Variants in EYA4 observed in about 807,000 individuals in gnomAD.
The protein encoded by EYA4 is EYA transcriptional coactivator and phosphatase 4, also known as protein phosphatase EYA4.
A neutral mutation model predicts 87.9 loss-of-function variants in EYA4; 31 were observed. The observed-to-expected ratio is 0.35, with a 90% CI of 0.27 to 0.48. The LOEUF is 0.48. Among genes scored for constraint, EYA4 ranks in the 20% least tolerant of loss-of-function variants. The pLI is 0.99. For synonymous variants in EYA4, 263 were observed against 270.6 expected, an observed-to-expected ratio of 0.97 and a Z score of 0.28; for missense variants, 678 against 761.4, an observed-to-expected ratio of 0.89 and a Z score of 1.29.
Position 133,299,955 on chromosome 6 carries a change from C to CTATATATATA in EYA4, c.33+25148_33+25157dup, listed in dbSNP as rs1016744513. Among the ~76,000 whole-genome samples the CTATATATATA allele has an allele frequency of 3.2e-3, 340 of 106,216 alleles. 3 individuals carry two copies. Among genetic ancestry groups the CTATATATATA allele is most frequent in the African/African-American group, 0.011 (321 of 29,564 alleles). The allele number at this position is 106,216 out of a possible 152,430, so 69.7% of individuals were successfully genotyped here. On this transcript the variant is annotated intron_variant, in intron 2 of 19. Transcript: ENST00000355286. ...TCTATCTATCTATCTATCTATCTAT[C>CTATATATATA]TATATATATATATATCTTTTGACTA...
chr6:133,477,609 C>G (rs1238845519), intron 11 of EYA4, among the ~76,000 whole-genome samples: 1 of 151,974 alleles, frequency 6.6e-6, no homozygotes, highest in Non-Finnish European at 1.5e-5. Context: ...TAGGTTTGAC[C>G]TTCTGGTAAC....
chr6:133,374,830 C>A (rs1218760212), intron 2 of EYA4, among the ~76,000 whole-genome samples: 1 of 151,954 alleles, frequency 6.6e-6, no homozygotes, highest in African/African-American at 2.4e-5. Flanking sequence ...GCTGCAAGAT[C>A]TTTGTTTCTA....
chr6:133,468,017 G>A (rs1794998786), intron 10 of EYA4, among the ~76,000 whole-genome samples: 1 of 151,584 alleles, frequency 6.6e-6, no homozygotes, highest in African/African-American at 2.4e-5. Flanking sequence ...GTGAGAGGCT[G>A]GGTAAAAAAA....
chr6:133,314,560 A>T (rs56256859), intron 2 of EYA4, among the ~76,000 whole-genome samples: 71,014 of 151,962 alleles, frequency 0.47, 16,973 homozygotes, highest in Middle Eastern at 0.55. Context: ...ATTTTATAGA[A>T]AGCATTAATT....
intron 3 of EYA4, among the ~76,000 whole-genome samples, chr6:133,385,402 T>A (rs1320452409): frequency 1.6e-5 from 2 of 122,416 alleles, no homozygotes; most frequent in East Asian, 2.6e-4. Flanking sequence ...TGTGTGTGTG[T>A]GTGTGTGTGT....
intron 2 of EYA4, among the ~76,000 whole-genome samples, chr6:133,280,989 T>G (rs937233943): frequency 6.6e-6 from 1 of 152,172 alleles, no homozygotes; most frequent in African/African-American, 2.4e-5. Context: ...TTTTGTGGCT[T>G]GCTTTTTATA....
intron 3 of EYA4, among the ~76,000 whole-genome samples, chr6:133,394,282 G>GTATTTTTTTTTTTTTTTTTTTTTTT (rs1562368948): frequency 9.3e-6 from 1 of 107,846 alleles, no homozygotes; most frequent in African/African-American, 4.8e-5. Flanking sequence ...ATATAAGCTT[G>GTATTTTTTTTTTTTTTTTTTTTTTT]TGTTTTTTTT....
At chr6:133,365,361 A>G (rs772904998) in intron 2 of EYA4, among the ~76,000 whole-genome samples, 17 of 152,282 alleles carry the variant, frequency 1.1e-4, no homozygotes, top group Middle Eastern at 6.8e-3. Context: ...TTCCTGCCGA[A>G]TGGATTGAAG....
chr6:133,290,480 CTA>C (rs1179707415), intron 2 of EYA4, among the ~76,000 whole-genome samples: 1 of 152,018 alleles, frequency 6.6e-6, no homozygotes, highest in Non-Finnish European at 1.5e-5. Context: ...ACAACCTAGA[CTA>C]TATTTATTTT....
chr6:133,299,969 A>ATC (rs1211732532), intron 2 of EYA4, among the ~76,000 whole-genome samples: 1 of 150,176 alleles, frequency 6.7e-6, no homozygotes, highest in African/African-American at 2.5e-5. Flanking sequence ...ATATATATAT[A>ATC]TCTTTTGACT....
chr6:133,317,275 C>CT (rs1270168839), intron 2 of EYA4, among the ~76,000 whole-genome samples: 1 of 152,124 alleles, frequency 6.6e-6, no homozygotes, highest in Non-Finnish European at 1.5e-5. Context: ...CTTCATGATG[C>CT]TTTGAAGAAT....
chr6:133,390,307 C>T (rs1032199087), intron 3 of EYA4, among the ~76,000 whole-genome samples: 5 of 152,112 alleles, frequency 3.3e-5, no homozygotes, highest in Admixed American at 6.5e-5. Context: ...GTATCCTCCA[C>T]CTCCTAGGTT....
chr6:133,371,257 A>G (rs1302873223), intron 2 of EYA4, among the ~76,000 whole-genome samples: 2 of 152,180 alleles, frequency 1.3e-5, no homozygotes, highest in African/African-American at 4.8e-5. Flanking sequence ...AGAGGTGGAT[A>G]GTTAGGGAAG....
intron 1 of EYA4, among the ~76,000 whole-genome samples, chr6:133,256,060 T>G (rs556433006): frequency 2.0e-5 from 3 of 152,022 alleles, no homozygotes; most frequent in African/African-American, 4.8e-5. Context: ...TGCAAAAATT[T>G]CAACTTAATT....
chr6:133,264,017 C>T (rs1386223167), intron 1 of EYA4, among the ~76,000 whole-genome samples: 1 of 152,144 alleles, frequency 6.6e-6, no homozygotes, highest in African/African-American at 2.4e-5. Context: ...CCCCACTTTC[C>T]CTTGTTTTCC....
intron 3 of EYA4, among the ~76,000 whole-genome samples, chr6:133,414,476 C>T (rs1244427450): frequency 6.6e-6 from 1 of 152,160 alleles, no homozygotes; most frequent in Non-Finnish European, 1.5e-5. Flanking sequence ...CTTTGAGCTT[C>T]TCATTCCTCA....
chr6:133,266,752 C>A (rs1042556007), intron 1 of EYA4, among the ~76,000 whole-genome samples: 2 of 151,626 alleles, frequency 1.3e-5, no homozygotes, highest in African/African-American at 4.8e-5. Context: ...CAGTTATGTA[C>A]CTGAAAAATG....
rs115070345 is a variant in EYA4 at position 133,350,359 on chromosome 6, A to G, written c.34-32033A>G. On this transcript the variant is annotated intron_variant, in intron 2 of 19. Coordinates refer to ENST00000355286, the MANE Select transcript of EYA4 (RefSeq NM_004100.5). Reference sequence around the variant, plus strand: ...ATAATTTTACATAGACCTAAGTGCAATAAGTACATAAACAAAATGTTCTGA... The same window carrying G: ...ATAATTTTACATAGACCTAAGTGCAGTAAGTACATAAACAAAATGTTCTGA... 3.5e-3 allele frequency among the ~76,000 whole-genome samples: 538 copies of G among 152,240 alleles called. 7 individuals carry two copies. Among genetic ancestry groups the G allele is most frequent in the African/African-American group, 0.012 (504 of 41,484 alleles).
intron 11 of EYA4, among the ~76,000 whole-genome samples, chr6:133,480,031 A>G (rs545391005): frequency 6.6e-6 from 1 of 152,308 alleles, no homozygotes; most frequent in Admixed American, 6.5e-5. Context: ...AGTTGGAGGT[A>G]TAGGTTTATA....
Sources: allele counts gnomAD v4.1 joint callset (sites outside exome capture counted in the v4.1 genomes callset), GRCh38; gene constraint gnomAD v4.1.1; transcripts MANE v1.5; gene names NCBI Gene and HGNC (gene_info 2026-07-23, HGNC 2026-07-21).